Variants in RCL1 observed in about 807,000 individuals in gnomAD.
The protein encoded by RCL1 is RNA 3'-terminal phosphate cyclase-like protein.
RCL1 carries 24 observed loss-of-function variants against 42.4 expected under a neutral mutation model. That is an observed-to-expected ratio of 0.57 (90% CI 0.41 to 0.80). The LOEUF (loss-of-function observed/expected upper bound fraction) is 0.80, where lower values mean the gene tolerates loss of function less well. RCL1 is among the 30% of genes least tolerant of loss of function. The probability of loss-of-function intolerance (pLI) is 0.00; values close to 1 mark genes in which losing one functional copy is unlikely to be tolerated. For missense variants in RCL1, 578 were observed against 467.9 expected (o/e 1.24, Z -2.17); for synonymous variants, 228 against 177.3 (o/e 1.29, Z -2.27).
chr9:4,800,811 C>T (rs1842988263), intron 1 of RCL1, among the ~76,000 whole-genome samples: 1 of 151,762 alleles, frequency 6.6e-6, no homozygotes, highest in Admixed American at 6.6e-5. Flanking sequence ...CACCACCACA[C>T]CTGGCTAATT....
intron 3 of RCL1, 65 bp from the exon 4 acceptor site, chr9:4,833,089 T>C (rs1817004102): frequency 8.7e-7 from 1 of 1,150,502 alleles, no homozygotes. Context: ...CTTACTTGTT[T>C]TTTTTGACTC....
At chr9:4,813,184 A>G (rs1170148358) in intron 1 of RCL1, among the ~76,000 whole-genome samples, 1 of 152,202 alleles carries the variant, frequency 6.6e-6, no homozygotes, top group Non-Finnish European at 1.5e-5. Context: ...AATTTCCCCC[A>G]TTTGATCTAA....
At chr9:4,828,153 G>A (rs1051954006) in intron 3 of RCL1, among the ~76,000 whole-genome samples, 1 of 140,040 alleles carries the variant, frequency 7.1e-6, no homozygotes, top group African/African-American at 2.7e-5. Flanking sequence ...GCAACAGAGC[G>A]AGACTCCGTC....
chr9:4,834,413 T>G, intron 5 of RCL1, 148 bp downstream of exon 5: 1 of 794,782 alleles, frequency 1.3e-6, no homozygotes, highest in Non-Finnish European at 1.8e-6. Flanking sequence ...TTGTAATTGC[T>G]GGCTGAGTTA....
intron 1 of RCL1, among the ~76,000 whole-genome samples, chr9:4,806,046 T>TGTG (rs1587696264): frequency 2.7e-4 from 19 of 71,300 alleles, no homozygotes; most frequent in East Asian, 8.6e-4. Context: ...GTGTGTGTGT[T>TGTG]TGTGTGTGTG....
chr9:4,823,975 C>T (rs993149694), intron 2 of RCL1, among the ~76,000 whole-genome samples: 1 of 152,142 alleles, frequency 6.6e-6, no homozygotes, highest in Non-Finnish European at 1.5e-5. Flanking sequence ...TTTCCAGAGA[C>T]ATACATGAAG....
chr9:4,830,049 G>C (rs1159989308), intron 3 of RCL1, among the ~76,000 whole-genome samples: 2 of 152,210 alleles, frequency 1.3e-5, no homozygotes, highest in African/African-American at 4.8e-5. Context: ...TAGAGACAGA[G>C]TGACTGTGGA....
chr9:4,814,826 C>G (rs892723571), intron 1 of RCL1, among the ~76,000 whole-genome samples: 3 of 151,786 alleles, frequency 2.0e-5, no homozygotes, highest in Admixed American at 1.3e-4. Context: ...AATGAATTTC[C>G]TCAGTTTTTG....
intron 8 of RCL1, among the ~76,000 whole-genome samples, chr9:4,851,585 A>T (rs1333666228): frequency 6.6e-6 from 1 of 152,248 alleles, no homozygotes; most frequent in Non-Finnish European, 1.5e-5. Context: ...GGTGAGGACC[A>T]TCATGGTGGG....
Position 4,826,889 on chromosome 9 carries a change from G to T in RCL1, c.240G>T (p.Leu80=). The T allele has an allele frequency of 1.2e-6, 2 of 1,614,132 alleles. No homozygotes were observed. The highest frequency in any genetic ancestry group is 1.7e-6 in the Non-Finnish European group (2 of 1,179,994). The change falls in exon 3 of 9, where the codon CTG becomes CTT. Residue 80 remains leucine, a synonymous_variant. Transcript: ENST00000381750. The stretch of plus-strand genomic sequence containing the variant: ...CCTTATATTATCAGCCTGGCCTCCT[G>T]TATGGTGGATCTGTGGAACATGACT... ...GTTLYYQPGL[L]YGGSVEHDCS...
intron 6 of RCL1, among the ~76,000 whole-genome samples, chr9:4,842,888 T>C (rs1272796907): frequency 6.6e-6 from 1 of 152,236 alleles, no homozygotes; most frequent in Admixed American, 6.5e-5. Context: ...TGTCCTGGCA[T>C]GAAGCAGAGC....
chr9:4,835,534 G>C (rs1014451660), intron 5 of RCL1, among the ~76,000 whole-genome samples: 1 of 152,238 alleles, frequency 6.6e-6, no homozygotes, highest in African/African-American at 2.4e-5. Flanking sequence ...TGACAGGAAA[G>C]AGAAGGAGAA....
intron 3 of RCL1, 187 bp downstream of exon 3, chr9:4,827,220 T>C: frequency 2.6e-6 from 4 of 1,522,132 alleles, no homozygotes; most frequent in Non-Finnish European, 2.6e-6. Flanking sequence ...GATCATCAAA[T>C]TCAGGACTAT....
intron 8 of RCL1, among the ~76,000 whole-genome samples, chr9:4,852,418 C>G (rs752843307): frequency 2.0e-5 from 3 of 152,170 alleles, no homozygotes; most frequent in African/African-American, 7.2e-5. Context: ...TAAGATGCAT[C>G]TTAATTAGCA....
At chr9:4,827,121 C>T in intron 3 of RCL1, 88 bp downstream of exon 3, 1 of 1,583,564 alleles carries the variant, frequency 6.3e-7, no homozygotes, top group East Asian at 2.3e-5. Context: ...TTATAAGGCA[C>T]AGTTTTATTA....
chr9:4,841,340 A>G lies in RCL1; in HGVS notation c.693A>G (p.Lys231=). The part of the protein sequence containing the change: ...PDIYIYTDHM[K]GVNSGKSPGF... ...TCTATATTTACACAGATCACATGAA[A>G]GGAGTCAACTCTGGGAAGTAAGTAT... Residue 231 remains lysine, a synonymous_variant, in exon 6 of 9, where the codon AAA becomes AAG. Transcript: ENST00000381750. The G allele has an allele frequency of 1.2e-6, 2 of 1,612,820 alleles. No individual in the cohort carries two copies. Among genetic ancestry groups the G allele is most frequent in the Middle Eastern group, 1.7e-4 (1 of 6,054 alleles).
chr9:4,797,264 A>G (rs1394945677), intron 1 of RCL1, among the ~76,000 whole-genome samples: 1 of 152,250 alleles, frequency 6.6e-6, no homozygotes, highest in Non-Finnish European at 1.5e-5. Flanking sequence ...GCACATAGGA[A>G]GAATAAATGT....
chr9:4,811,566 G>T (rs1315489905), intron 1 of RCL1, among the ~76,000 whole-genome samples: 1 of 152,094 alleles, frequency 6.6e-6, no homozygotes, highest in Non-Finnish European at 1.5e-5. Flanking sequence ...TTCTACAAAA[G>T]CCTCTTCATG....
intron 1 of RCL1, among the ~76,000 whole-genome samples, chr9:4,801,783 C>G (rs115189143): frequency 0.014 from 2,027 of 141,756 alleles, 50 homozygotes; most frequent in African/African-American, 0.049. Flanking sequence ...GAAACGGCAT[C>G]TTTTTTCCAT....
Sources: gnomAD v4.1 joint callset for allele counts (sites outside exome capture counted in the v4.1 genomes callset) on GRCh38, gnomAD v4.1.1 for gene constraint, MANE v1.5 for transcripts, NCBI Gene and HGNC (gene_info 2026-07-23, HGNC 2026-07-21) for gene names.